PTPRO: variants seen among roughly 807,000 people sequenced by gnomAD.
PTPRO encodes the protein receptor-type tyrosine-protein phosphatase O.
A neutral mutation model predicts 145.2 loss-of-function variants in PTPRO; 62 were observed. That is an observed-to-expected ratio of 0.43 (90% CI 0.35 to 0.53). PTPRO has a LOEUF of 0.53. Ranked by LOEUF, PTPRO falls within the 20% of genes least tolerant of loss-of-function variation. The pLI, the probability that PTPRO is intolerant of heterozygous loss-of-function variation, is 0.01. For missense variants in PTPRO, 1,345 were observed against 1,482.7 expected (o/e 0.91, Z 1.53); for synonymous variants, 565 against 514.7 (o/e 1.10, Z -1.32).
chr12:15,560,010 A>G (rs1943730315), intron 16 of PTPRO, among the ~76,000 whole-genome samples, 183 bp from the exon 17 acceptor site: 1 of 152,162 alleles, frequency 6.6e-6, no homozygotes. Context: ...GATTTTGTCA[A>G]TATTGTAGCA....
chr12:15,360,643 A>G (rs1235907508), intron 1 of PTPRO, among the ~76,000 whole-genome samples: 1 of 151,698 alleles, frequency 6.6e-6, no homozygotes. Context: ...GTGTGTGTAT[A>G]TATATACATA....
At chr12:15,583,298 C>T (rs1394338184) in intron 23 of PTPRO, among the ~76,000 whole-genome samples, 1 of 152,224 alleles carries the variant, frequency 6.6e-6, no homozygotes, top group African/African-American at 2.4e-5. Context: ...CTGAGCAACA[C>T]AGGGAGATCC....
At chr12:15,425,274 G>GT (rs141049732) in intron 1 of PTPRO, among the ~76,000 whole-genome samples, 2 of 151,966 alleles carry the variant, frequency 1.3e-5, no homozygotes, top group Non-Finnish European at 2.9e-5. Flanking sequence ...TTATTCTAAT[G>GT]TTTTTTTACA....
At chr12:15,585,006 T>A (rs547321857) in intron 23 of PTPRO, among the ~76,000 whole-genome samples, 1 of 152,314 alleles carries the variant, frequency 6.6e-6, no homozygotes, top group East Asian at 1.9e-4. Flanking sequence ...AACGTGTTTG[T>A]TGCCAGGGAC....
At chr12:15,489,860 A>G (rs1425877598) in intron 2 of PTPRO, among the ~76,000 whole-genome samples, 2 of 152,220 alleles carry the variant, frequency 1.3e-5, no homozygotes, top group African/African-American at 4.8e-5. Flanking sequence ...TCATTGAAAA[A>G]TAAAGGAAAA....
At chr12:15,480,175 C>T (rs189543068) in intron 1 of PTPRO, among the ~76,000 whole-genome samples, 5 of 152,164 alleles carry the variant, frequency 3.3e-5, no homozygotes, top group Admixed American at 2.0e-4. Context: ...AGAATTTTTA[C>T]CCTTTCATTC....
chr12:15,357,200 T>C (rs1287152525), intron 1 of PTPRO, among the ~76,000 whole-genome samples: 1 of 152,232 alleles, frequency 6.6e-6, no homozygotes, highest in East Asian at 1.9e-4. Flanking sequence ...AAATTATGCC[T>C]CTCCATCTCT....
At chr12:15,342,861 T>C (rs1368694945) in intron 1 of PTPRO, among the ~76,000 whole-genome samples, 1 of 152,178 alleles carries the variant, frequency 6.6e-6, no homozygotes, top group Non-Finnish European at 1.5e-5. Flanking sequence ...TTGTCAGCTG[T>C]GGGCCGATAG....
intron 1 of PTPRO, among the ~76,000 whole-genome samples, chr12:15,443,038 A>G (rs1313167198): frequency 1.3e-5 from 2 of 152,196 alleles, no homozygotes; most frequent in African/African-American, 4.8e-5. Context: ...AAGAAAGAAC[A>G]AAGCCAGAGG....
At chr12:15,468,653 T>C (rs1460413847) in intron 1 of PTPRO, among the ~76,000 whole-genome samples, 1 of 152,212 alleles carries the variant, frequency 6.6e-6, no homozygotes, top group Non-Finnish European at 1.5e-5. Flanking sequence ...TCTAGTTATT[T>C]AAAATAATGT....
intron 1 of PTPRO, among the ~76,000 whole-genome samples, chr12:15,474,656 A>G (rs1402818806): frequency 6.6e-6 from 1 of 152,260 alleles, no homozygotes; most frequent in African/African-American, 2.4e-5. Flanking sequence ...CAATATTATT[A>G]CTTCATCTCA....
intron 23 of PTPRO, 100 bp downstream of exon 23, chr12:15,581,901 C>G: frequency 6.9e-7 from 1 of 1,446,142 alleles, no homozygotes; most frequent in Non-Finnish European, 9.6e-7. Flanking sequence ...AGAGGAATTA[C>G]AGACACACAC....
chr12:15,406,785 T>C (rs1591783506), intron 1 of PTPRO, among the ~76,000 whole-genome samples: 1 of 152,330 alleles, frequency 6.6e-6, no homozygotes, highest in South Asian at 2.1e-4. Flanking sequence ...AGGATCCTTA[T>C]AACATTTTGT....
At chr12:15,541,127 C>T (rs1340794750) in intron 12 of PTPRO, among the ~76,000 whole-genome samples, 1 of 152,030 alleles carries the variant, frequency 6.6e-6, no homozygotes, top group Non-Finnish European at 1.5e-5. Context: ...TTATTTTAAA[C>T]AAAAGGAAAT....
At chr12:15,390,000 A>G (rs1291220739) in intron 1 of PTPRO, among the ~76,000 whole-genome samples, 1 of 152,238 alleles carries the variant, frequency 6.6e-6, no homozygotes, top group African/African-American at 2.4e-5. Context: ...TATAGAGAAC[A>G]TACATGAGAG....
At chr12:15,552,098 A>G (rs1055393225) in intron 15 of PTPRO, among the ~76,000 whole-genome samples, 1 of 151,788 alleles carries the variant, frequency 6.6e-6, no homozygotes, top group African/African-American at 2.4e-5. Flanking sequence ...AAGCTGTTCT[A>G]TTGGAAAATA....
chr12:15,339,264 G>A (rs1321084346), intron 1 of PTPRO, among the ~76,000 whole-genome samples: 1 of 152,124 alleles, frequency 6.6e-6, no homozygotes, highest in Non-Finnish European at 1.5e-5. Context: ...AGAAACACGA[G>A]AAAATGTAAG....
intron 1 of PTPRO, among the ~76,000 whole-genome samples, chr12:15,464,445 C>G (rs1470997357): frequency 6.6e-6 from 1 of 151,892 alleles, no homozygotes; most frequent in Non-Finnish European, 1.5e-5. Context: ...AGCTCCACCT[C>G]CTGGGTTCAA....
intron 2 of PTPRO, among the ~76,000 whole-genome samples, chr12:15,494,258 G>A (rs1942056918): frequency 6.6e-6 from 1 of 152,164 alleles, no homozygotes; most frequent in African/African-American, 2.4e-5. Context: ...AAGATATTAA[G>A]TGATTCACCT....
Sources: gnomAD v4.1 joint callset for allele counts (sites outside exome capture counted in the v4.1 genomes callset) on GRCh38, gnomAD v4.1.1 for gene constraint, MANE v1.5 for transcripts, NCBI Gene and HGNC (gene_info 2026-07-23, HGNC 2026-07-21) for gene names.